Variants in BRDT observed in about 807,000 individuals in gnomAD.
BRDT encodes bromodomain testis associated, also known as bromodomain testis-specific protein.
In BRDT, 77 loss-of-function variants were observed where a neutral mutation model predicts 113.9. The ratio of observed to expected loss-of-function variants is 0.68; its 90% CI spans 0.56 to 0.82. The LOEUF (loss-of-function observed/expected upper bound fraction) is 0.82, where lower values mean the gene tolerates loss of function less well. Among genes scored for constraint, BRDT ranks in the 40% least tolerant of loss-of-function variants. The probability of loss-of-function intolerance (pLI) is 0.00; values close to 1 mark genes in which losing one functional copy is unlikely to be tolerated. For missense variants in BRDT, 1,027 were observed against 1,105.4 expected, an observed-to-expected ratio of 0.93 and a Z score of 1.01; for synonymous variants, 358 against 366.5, an observed-to-expected ratio of 0.98 and a Z score of 0.26.
chr1:91,950,225 G>A (rs1283138814), intron 1 of BRDT: 3 of 152,234 alleles, frequency 2.0e-5, no homozygotes, highest in African/African-American at 4.8e-5. Context: ...GAGGCAAGTG[G>A]ATCACCTGAG....
At chr1:91,970,625 T>TA (rs1284729823) in intron 4 of BRDT, among the ~76,000 whole-genome samples, 6 of 152,098 alleles carry the variant, frequency 3.9e-5, no homozygotes, top group Admixed American at 3.9e-4. Flanking sequence ...TATAAAGAAA[T>TA]ACCTGGCTGG....
chr1:91,977,921 T>C (rs1452994530), intron 6 of BRDT, among the ~76,000 whole-genome samples: 1 of 152,150 alleles, frequency 6.6e-6, no homozygotes, highest in Non-Finnish European at 1.5e-5. Context: ...TGTGATTTTG[T>C]TCCAGTTCTC....
At position 92,005,199 on chromosome 1, in the gene BRDT, A is replaced by G. The variant is rs759494567; in HGVS notation, c.2675A>G (p.His892Arg). Residue 892 changes from histidine (H) to arginine (R), a missense_variant, in exon 18 of 19, where the codon CAT becomes CGT. By Grantham distance (29) the His-to-Arg change is conservative (BLOSUM62 0). Coordinates refer to ENST00000399546, the MANE Select transcript of BRDT (RefSeq NM_207189.4). ...TGCTCTGGAGAAGAGCAGAAAGAAC[A>G]TCAGCAGTCATCAGAAGCTCAAGAT... The part of the protein sequence containing the change: ...NKCSGEEQKE[H>R]QQSSEAQDKS... 1 of 1,587,262 alleles carries G rather than the reference A, an allele frequency of 6.3e-7. No individual in the cohort carries two copies. The highest frequency in any genetic ancestry group is 8.6e-7 in the Non-Finnish European group (1 of 1,168,956).
intron 12 of BRDT, among the ~76,000 whole-genome samples, chr1:91,986,419 A>G (rs1325028867): frequency 6.6e-6 from 1 of 152,218 alleles, no homozygotes; most frequent in Non-Finnish European, 1.5e-5. Context: ...AAGCTCAGAT[A>G]CTTGATTAGT....
chr1:91,988,185 T>G (rs905102042), intron 12 of BRDT, among the ~76,000 whole-genome samples: 1 of 152,110 alleles, frequency 6.6e-6, no homozygotes, highest in African/African-American at 2.4e-5. Context: ...ATGAAAACTT[T>G]GCTAACAAAG....
rs370994622 is a variant in BRDT, at chr1:91,979,688, C to T, written c.1218C>T (p.Ser406=). 6.2e-7 allele frequency: 1 copy of T among 1,614,012 alleles called. No homozygotes were observed. Among genetic ancestry groups the T allele is most frequent in the Non-Finnish European group, 8.5e-7 (1 of 1,179,988 alleles). ...TTGRENTNEA[S]SEGNSSDDSE... ...GTAGAGAGAACACTAATGAAGCCTCCTCTGAAGGGAACTCTTCTGATGATT... is the reference window on the plus strand; with the variant it reads ...GTAGAGAGAACACTAATGAAGCCTCTTCTGAAGGGAACTCTTCTGATGATT... The change falls in exon 8 of 19, where the codon TCC becomes TCT. Residue 406 remains serine (S), a synonymous_variant. Transcript: ENST00000399546.
chr1:91,949,941 T>G (rs1404692301), intron 1 of BRDT: 2 of 150,416 alleles, frequency 1.3e-5, no homozygotes, highest in Non-Finnish European at 3.0e-5. Flanking sequence ...TACTGTAATT[T>G]TGGAAATGCA....
chr1:91,962,774 A>G lies in BRDT; in HGVS notation c.20A>G (p.Gln7Arg). The G allele has an allele frequency of 6.3e-7, 1 of 1,593,614 alleles. No individual in the cohort carries two copies. The change falls in exon 2 of 19, where the codon CAA (glutamine) becomes CGA (arginine). Residue 7 changes from glutamine to arginine, a missense_variant. Gln to Arg is a conservative substitution (Grantham distance 43, BLOSUM62 1). Coordinates refer to ENST00000399546, the MANE Select transcript of BRDT (RefSeq NM_207189.4). MSLPSRQTAIIVNPPPP... is the reference protein window; with the variant it reads MSLPSRRTAIIVNPPPP... Reference sequence around the variant, plus strand: ...TTAAGAATGTCTCTGCCAAGTCGACAAACAGCTATTATTGTTAACCCTCCT... The same window carrying G: ...TTAAGAATGTCTCTGCCAAGTCGACGAACAGCTATTATTGTTAACCCTCCT...
rs763729232 is a variant in BRDT at position 91,977,419 on chromosome 1, C to G, written c.969+26C>G. 4.2e-6 allele frequency: 6 copies of G among 1,421,474 alleles called. No individual in the cohort carries two copies. The South Asian group carries it at 9.3e-5, about 22-fold the overall frequency. The allele number at this position is 1,421,474 out of a possible 1,614,324, so 88.1% of individuals were successfully genotyped here. ...GTAAATGTTGCCTTAAAAGGAAGAACTTCTTTTTCTTGATTATAAAAGTAA... is the reference window on the plus strand; with the variant it reads ...GTAAATGTTGCCTTAAAAGGAAGAAGTTCTTTTTCTTGATTATAAAAGTAA... On this transcript the variant is annotated intron_variant, in intron 6 of 18. Transcript: ENST00000399546.
At chr1:91,983,508 C>T (rs1570551359) in intron 12 of BRDT, among the ~76,000 whole-genome samples, 1 of 152,086 alleles carries the variant, frequency 6.6e-6, no homozygotes, top group African/African-American at 2.4e-5. Context: ...CCCACCTCGG[C>T]CTCCCAAAGT....
At position 91,978,251 on chromosome 1, in the gene BRDT, C is replaced by T. The variant is rs1221184561; in HGVS notation, c.1053C>T (p.Tyr351=). ...VRLMFMNCYK[Y]NPPDHEVVTM... is the part of the protein sequence containing the mutation. Reference sequence around the variant, plus strand: ...TAATGTTCATGAATTGCTACAAGTACAATCCTCCAGATCACGAAGTTGTGA... The same window carrying T: ...TAATGTTCATGAATTGCTACAAGTATAATCCTCCAGATCACGAAGTTGTGA... Residue 351 remains tyrosine (Y), a synonymous_variant, in exon 7 of 19, where the codon TAC becomes TAT. Coordinates refer to ENST00000399546, the MANE Select transcript of BRDT (RefSeq NM_207189.4). 6.2e-7 allele frequency: 1 copy of T among 1,613,986 alleles called. No individual in the cohort carries two copies. Among genetic ancestry groups the T allele is most frequent in the Non-Finnish European group, 8.5e-7 (1 of 1,180,018 alleles).
At chr1:91,989,651 A>G (rs889893850) in intron 12 of BRDT, among the ~76,000 whole-genome samples, 3 of 152,154 alleles carry the variant, frequency 2.0e-5, no homozygotes, top group African/African-American at 7.2e-5. Context: ...ATGAGCCACC[A>G]TGCCCTGCCT....
At chr1:91,963,374 C>T (rs1451877618) in intron 2 of BRDT, among the ~76,000 whole-genome samples, 3 of 152,158 alleles carry the variant, frequency 2.0e-5, no homozygotes, top group Admixed American at 1.3e-4. Context: ...TAAAGTCTAT[C>T]CCAATGAGTA....
chr1:91,998,059 CA>C (rs1686503779), intron 15 of BRDT, among the ~76,000 whole-genome samples: 1 of 152,158 alleles, frequency 6.6e-6, no homozygotes, highest in Non-Finnish European at 1.5e-5. Flanking sequence ...ATATGATCTC[CA>C]CATGAAATGG....
chr1:91,963,449 A>G (rs182740209), intron 2 of BRDT, among the ~76,000 whole-genome samples: 201 of 152,386 alleles, frequency 1.3e-3, no homozygotes, highest in Non-Finnish European at 2.5e-3. Context: ...AATTTGTGAT[A>G]AATTGTAATA....
In BRDT at chr1:91,994,086, G is replaced by A; in HGVS notation, c.2119G>A (p.Gly707Arg). The A allele has an allele frequency of 6.2e-7, 1 of 1,601,360 alleles. No homozygotes were observed. The highest frequency in any genetic ancestry group is 8.5e-7 in the Non-Finnish European group (1 of 1,175,768). Residue 707 changes from glycine to arginine, a missense_variant, in exon 15 of 19, where the codon GGA becomes AGA. Gly to Arg is a moderately radical substitution (Grantham distance 125). Coordinates refer to ENST00000399546, the MANE Select transcript of BRDT (RefSeq NM_207189.4). ...AACTTTGATTTTGTTTTAACAGATA[G>A]GATATTGTGTGCAAGACACAACCTC... ...PEGRTGVTQI[G>R]YCVQDTTSAN... is the part of the protein sequence containing the mutation.
At chr1:92,001,019 C>T (rs148829814) in intron 15 of BRDT, among the ~76,000 whole-genome samples, 78 of 152,256 alleles carry the variant, frequency 5.1e-4, no homozygotes, top group African/African-American at 1.8e-3. Flanking sequence ...GTTTCACATC[C>T]CTGTTCCCTT....
intron 12 of BRDT, among the ~76,000 whole-genome samples, chr1:91,983,843 A>G (rs891766064): frequency 6.6e-6 from 1 of 151,880 alleles, no homozygotes; most frequent in East Asian, 1.9e-4. Flanking sequence ...CACCACACCC[A>G]GCTCATTTTT....
chr1:91,984,613 A>G (rs1685029999), intron 12 of BRDT, among the ~76,000 whole-genome samples: 1 of 152,190 alleles, frequency 6.6e-6, no homozygotes, highest in Admixed American at 6.5e-5. Context: ...TATGAAAAAT[A>G]AAATATAAAT....
Sources: gnomAD v4.1 joint callset for allele counts (sites outside exome capture counted in the v4.1 genomes callset) on GRCh38, gnomAD v4.1.1 for gene constraint, MANE v1.5 for transcripts, NCBI Gene and HGNC (gene_info 2026-07-23, HGNC 2026-07-21) for gene names.